The following DCUN1D3 variants were observed in gnomAD, a reference collection of about 807,000 sequenced individuals.
DCUN1D3 encodes the protein DCN1-like protein 3.
In DCUN1D3, 6 loss-of-function variants were observed where a neutral mutation model predicts 24.8. That is an observed-to-expected ratio of 0.24 (90% confidence interval 0.13 to 0.48). DCUN1D3 has a LOEUF of 0.48. DCUN1D3 is among the 20% of genes least tolerant of loss of function. The pLI is 0.99. For missense variants in DCUN1D3, 258 were observed against 379.4 expected, an observed-to-expected ratio of 0.68 and a Z score of 2.66; for synonymous variants, 120 against 144.9, an observed-to-expected ratio of 0.83 and a Z score of 1.24.
rs71149189 is a variant in DCUN1D3, at chr16:20,885,549, T to TA, written c.-106+14654dup. ...TAGGGACTACAGGTAATTAAGGCTT[T>TA]AAAAAAAAAAAAACATAAACTACAT... is the stretch of plus-strand genomic sequence containing the variant. On this transcript the variant is annotated intron_variant, in intron 1 of 2. Coordinates refer to ENST00000324344, the MANE Select transcript of DCUN1D3 (RefSeq NM_173475.4). Among the ~76,000 whole-genome samples, 468 of 143,812 alleles carry TA rather than the reference T, an allele frequency of 3.3e-3. 1 individual carries two copies. Among genetic ancestry groups the TA allele is most frequent in the African/African-American group, 6.7e-3 (262 of 39,318 alleles). The allele number at this position is 143,812 out of a possible 152,430, so 94.3% of individuals were successfully genotyped here.
At chr16:20,887,171 G>A (rs1002964169) in intron 1 of DCUN1D3, among the ~76,000 whole-genome samples, 2 of 152,074 alleles carry the variant, frequency 1.3e-5, no homozygotes, top group Admixed American at 6.6e-5. Flanking sequence ...GCGTGGTGGC[G>A]GGTGCCTGTA....
chr16:20,872,593 C>T (rs1016965), intron 1 of DCUN1D3, among the ~76,000 whole-genome samples: 94,364 of 151,866 alleles, frequency 0.62, 30,437 homozygotes, highest in Non-Finnish European at 0.72. Context: ...AAAAGATCCA[C>T]ACAATAAAAG....
intron 1 of DCUN1D3, among the ~76,000 whole-genome samples, chr16:20,898,620 T>C (rs2081932013): frequency 6.6e-6 from 1 of 152,242 alleles, no homozygotes; most frequent in Admixed American, 6.5e-5. Context: ...AAGCATTAAA[T>C]ATTCTGTTTT....
intron 1 of DCUN1D3, among the ~76,000 whole-genome samples, chr16:20,889,721 A>T (rs1459985813): frequency 3.3e-5 from 5 of 152,158 alleles, no homozygotes; most frequent in Admixed American, 3.3e-4. Context: ...AGATCCTAAA[A>T]CCCTTGGAAT....
intron 1 of DCUN1D3, among the ~76,000 whole-genome samples, chr16:20,877,321 C>T (rs781508429): frequency 3.9e-5 from 6 of 152,282 alleles, no homozygotes; most frequent in South Asian, 2.1e-4. Flanking sequence ...TCTCAGTTCA[C>T]GTGCTGACAT....
intron 1 of DCUN1D3, among the ~76,000 whole-genome samples, chr16:20,868,322 C>T (rs2081772302): frequency 6.6e-6 from 1 of 152,144 alleles, no homozygotes; most frequent in Non-Finnish European, 1.5e-5. Flanking sequence ...AAGCAATTAC[C>T]CCCATTTTAC....
chr16:20,882,344 C>G (rs553187910), intron 1 of DCUN1D3, among the ~76,000 whole-genome samples: 77 of 151,598 alleles, frequency 5.1e-4, no homozygotes, highest in African/African-American at 1.8e-3. Flanking sequence ...CCTCCACCTC[C>G]CGGGTTCAAG....
chr16:20,862,600 G>T lies in DCUN1D3; in HGVS notation c.-62C>A. On this transcript the variant is annotated 5_prime_UTR_variant, in exon 2 of 3. Transcript: ENST00000324344. ...GGATTGGATGCCCTCGCTGCCGCTG[G>T]CCCATGTACCTCAACATGCCATCAG... The T allele has an allele frequency of 6.5e-7, 1 of 1,534,774 alleles. No individual in the cohort carries two copies. The highest frequency in any genetic ancestry group is 8.7e-7 in the Non-Finnish European group (1 of 1,150,782).
At chr16:20,897,356 G>T (rs1009451828) in intron 1 of DCUN1D3, among the ~76,000 whole-genome samples, 2 of 152,206 alleles carry the variant, frequency 1.3e-5, no homozygotes, top group African/African-American at 4.8e-5. Context: ...GAAGGCAAAA[G>T]TAGGTTACAT....
Position 20,858,401 on chromosome 16 carries a change from A to C in DCUN1D3, c.*1485T>G, listed in dbSNP as rs2152515594. The stretch of plus-strand genomic sequence containing the variant: ...AGTGAAATGGTCCAAATTCAGATCC[A>C]AAAGCCTCCATTATGGCATTCCCTG... On this transcript the variant is annotated 3_prime_UTR_variant, in exon 3 of 3. Transcript: ENST00000324344. 1 of 152,722 alleles carries C rather than the reference A, an allele frequency of 6.5e-6. No homozygotes were observed. The highest frequency in any genetic ancestry group is 2.1e-4 in the South Asian group (1 of 4,826). The allele number at this position is 152,722 out of a possible 1,614,324, so 9.5% of individuals were successfully genotyped here. A position where few individuals can be genotyped will look rare whatever the true frequency, so the allele number is the denominator to read the frequency against.
intron 1 of DCUN1D3, among the ~76,000 whole-genome samples, chr16:20,880,598 C>T (rs2081837882): frequency 1.3e-5 from 1 of 76,928 alleles, no homozygotes; most frequent in Non-Finnish European, 2.5e-5. Flanking sequence ...GAGTAAGACC[C>T]TGTCTCAAAA....
At chr16:20,881,473 C>CT (rs2081843260) in intron 1 of DCUN1D3, among the ~76,000 whole-genome samples, 2 of 152,120 alleles carry the variant, frequency 1.3e-5, no homozygotes, top group African/African-American at 2.4e-5. Context: ...TATTTGTTTT[C>CT]TTTTTTTCCC....
intron 1 of DCUN1D3, among the ~76,000 whole-genome samples, chr16:20,871,101 C>A (rs1009185274): frequency 1.4e-4 from 21 of 152,218 alleles, no homozygotes; most frequent in African/African-American, 4.8e-4. Context: ...ACTTTAAATG[C>A]ACAGTTGCTG....
At position 20,859,751 on chromosome 16, in the gene DCUN1D3, C is replaced by A; in HGVS notation, c.*135G>T. ...AAAACATGATACAGCATTTTAGAGC[C>A]CTTTCAGATACAAGGCAGAGAAAGG... On this transcript the variant is annotated 3_prime_UTR_variant, in exon 3 of 3. Coordinates refer to ENST00000324344, the MANE Select transcript of DCUN1D3 (RefSeq NM_173475.4). 8.3e-7 allele frequency: 1 copy of A among 1,209,906 alleles called. No homozygotes were observed. Among genetic ancestry groups the A allele is most frequent in the Non-Finnish European group, 1.1e-6 (1 of 895,640 alleles). The allele number at this position is 1,209,906 out of a possible 1,614,324, so 74.9% of individuals were successfully genotyped here. A position where few individuals can be genotyped will look rare whatever the true frequency, so the allele number is the denominator to read the frequency against.
At chr16:20,886,575 A>G (rs2081868992) in intron 1 of DCUN1D3, among the ~76,000 whole-genome samples, 1 of 152,206 alleles carries the variant, frequency 6.6e-6, no homozygotes, top group Non-Finnish European at 1.5e-5. Context: ...ATAACATCCA[A>G]CTTCCCAAAC....
chr16:20,890,269 C>T lies in DCUN1D3; in HGVS notation c.-106+9935G>A, dbSNP rs1024194856. Among the ~76,000 whole-genome samples, 12 of 152,240 alleles carry T rather than the reference C, an allele frequency of 7.9e-5. No individual in the cohort carries two copies. The South Asian group carries it at 1.0e-3, about 13-fold the overall frequency. ...GTCTGCTGGGCAGAAGTTCAGGTAA[C>T]GTACAAATACCCAATACCTGCAGCT... is the stretch of plus-strand genomic sequence containing the variant. On this transcript the variant is annotated intron_variant, in intron 1 of 2. Transcript: ENST00000324344.
chr16:20,887,710 G>C (rs894647270), intron 1 of DCUN1D3, among the ~76,000 whole-genome samples: 2 of 152,180 alleles, frequency 1.3e-5, no homozygotes, highest in African/African-American at 4.8e-5. Flanking sequence ...TTTGCATGTG[G>C]ATCTGGGCTT....
intron 1 of DCUN1D3, among the ~76,000 whole-genome samples, chr16:20,897,737 G>C (rs987244948): frequency 1.3e-5 from 2 of 152,082 alleles, no homozygotes; most frequent in Non-Finnish European, 2.9e-5. Flanking sequence ...TAAAGAAAGA[G>C]GTGTGTCCTC....
intron 1 of DCUN1D3, among the ~76,000 whole-genome samples, chr16:20,882,252 A>ATTTTTTTTTTTTTTTTTTT (rs11310580): frequency 7.4e-6 from 1 of 135,516 alleles, no homozygotes; most frequent in Non-Finnish European, 1.6e-5. Flanking sequence ...TAACATTGCT[A>ATTTTTTTTTTTTTTTTTTT]TTTTTTTTTT....
Sources: allele counts gnomAD v4.1 joint callset (sites outside exome capture counted in the v4.1 genomes callset), GRCh38; gene constraint gnomAD v4.1.1; transcripts MANE v1.5; gene names NCBI Gene and HGNC (gene_info 2026-07-23, HGNC 2026-07-21).